The following USP24 variants were observed in gnomAD, a reference collection of about 807,000 sequenced individuals.
USP24 encodes ubiquitin carboxyl-terminal hydrolase 24.
Under a neutral mutation model 361.6 loss-of-function variants are expected in USP24, and 97 were observed. The observed-to-expected ratio is 0.27, with a 90% CI of 0.23 to 0.32. USP24 has a LOEUF of 0.32. Among genes scored for constraint, USP24 ranks in the 10% least tolerant of loss-of-function variants. The pLI is 1.00. For missense variants in USP24, 2,353 were observed against 3,165.6 expected, an observed-to-expected ratio of 0.74 and a Z score of 6.16; for synonymous variants, 1,098 against 1,124.6, an observed-to-expected ratio of 0.98 and a Z score of 0.47.
chr1:55,123,437 TC>T lies in USP24; in HGVS notation c.4276+9del. On this transcript the variant is annotated intron_variant, in intron 36 of 67. Coordinates refer to ENST00000294383, the MANE Select transcript of USP24 (RefSeq NM_015306.3). ...GAAAGAGATTAATCACAAACAAGCCTCCAGCATACCCAGTTGCTGGCTCCGA... is the reference window on the plus strand; with the variant it reads ...GAAAGAGATTAATCACAAACAAGCCTCAGCATACCCAGTTGCTGGCTCCGA... 1 of 1,571,564 alleles carries T rather than the reference TC, an allele frequency of 6.4e-7. No homozygotes were observed. The highest frequency in any genetic ancestry group is 1.2e-5 in the South Asian group (1 of 82,718).
At position 55,095,319 on chromosome 1, in the gene USP24, A is replaced by G; in HGVS notation, c.6139T>C (p.Ser2047Pro). ...CGACTTTTCTTTGGTAATACTGGGGAGTTCTGATCAGACACCCTTTGGTAG... is the reference window on the plus strand; with the variant it reads ...CGACTTTTCTTTGGTAATACTGGGGGGTTCTGATCAGACACCCTTTGGTAG... The part of the protein sequence containing the change: ...LFYQRVSDQN[S>P]PVLPKKSRVS... Residue 2047 changes from serine to proline, a missense_variant, in exon 51 of 68, where the codon TCC (serine) becomes CCC (proline). Ser to Pro is a moderately conservative substitution (Grantham distance 74, BLOSUM62 -1). Coordinates refer to ENST00000294383, the MANE Select transcript of USP24 (RefSeq NM_015306.3). The G allele has an allele frequency of 6.2e-7, 1 of 1,613,664 alleles. No homozygotes were observed. The highest frequency in any genetic ancestry group is 8.5e-7 in the Non-Finnish European group (1 of 1,179,786).
chr1:55,166,512 G>T, intron 6 of USP24, 56 bp downstream of exon 6: 2 of 1,476,774 alleles, frequency 1.4e-6, no homozygotes, highest in African/African-American at 1.4e-5. Flanking sequence ...ACTCTAGGAC[G>T]TCTCATTAGA....
chr1:55,082,273 T>TGTAA (rs2100431948), intron 58 of USP24, among the ~76,000 whole-genome samples: 1 of 152,324 alleles, frequency 6.6e-6, no homozygotes, highest in Non-Finnish European at 1.5e-5. Context: ...ATCTCTGAGC[T>TGTAA]TTACTCCTTG....
chr1:55,110,027 A>C (rs1418020029), intron 39 of USP24, among the ~76,000 whole-genome samples, 158 bp downstream of exon 39: 1 of 152,224 alleles, frequency 6.6e-6, no homozygotes, highest in East Asian at 1.9e-4. Flanking sequence ...ACTGGTACAC[A>C]GGTTTATATG....
intron 42 of USP24, among the ~76,000 whole-genome samples, chr1:55,102,129 T>C (rs1457768326): frequency 1.3e-5 from 2 of 152,090 alleles, no homozygotes; most frequent in Admixed American, 1.3e-4. Context: ...TATATATTCA[T>C]GAATTAAGGT....
chr1:55,212,236 G>A (rs904960069), intron 1 of USP24, among the ~76,000 whole-genome samples: 2 of 152,146 alleles, frequency 1.3e-5, no homozygotes, highest in Non-Finnish European at 2.9e-5. Flanking sequence ...CCCATTATTC[G>A]ATTCTTAATG....
intron 25 of USP24, 91 bp from the exon 26 acceptor site, chr1:55,138,809 G>A (rs1185473202): frequency 7.7e-7 from 1 of 1,300,024 alleles, no homozygotes; most frequent in African/African-American, 1.5e-5. Context: ...GAATGAAGAT[G>A]CTTTTTTAAG....
chr1:55,108,608 C>T, intron 39 of USP24, among the ~76,000 whole-genome samples: 1 of 152,244 alleles, frequency 6.6e-6, no homozygotes, highest in East Asian at 1.9e-4. Context: ...TGTTTCAAGA[C>T]ATGTTATTAC....
Position 55,089,464 on chromosome 1 carries a change from G to A in USP24, c.6668+163C>T, listed in dbSNP as rs577466871. On this transcript the variant is annotated intron_variant, in intron 55 of 67. Coordinates refer to ENST00000294383, the MANE Select transcript of USP24 (RefSeq NM_015306.3). ...AATACTTGCCTGAGATGATTTTGGA[G>A]TGACCTGAATTATTTCCTCACTGTT... Among the ~76,000 whole-genome samples, 5 of 152,296 alleles carry A rather than the reference G, an allele frequency of 3.3e-5. No homozygotes were observed. In the South Asian group the frequency reaches 1.0e-3, roughly 32 times the overall value.
intron 38 of USP24, among the ~76,000 whole-genome samples, chr1:55,110,574 A>G (rs1484542893): frequency 6.6e-6 from 1 of 152,170 alleles, no homozygotes; most frequent in Non-Finnish European, 1.5e-5. Context: ...AGCACCTACA[A>G]ATGCCTGGAA....
chr1:55,154,547 C>T, intron 13 of USP24, 81 bp from the exon 14 acceptor site: 1 of 1,492,958 alleles, frequency 6.7e-7, no homozygotes, highest in Non-Finnish European at 9.1e-7. Flanking sequence ...GAGCTAAAAA[C>T]ATTAACAACG....
intron 63 of USP24, among the ~76,000 whole-genome samples, chr1:55,075,248 AC>A: frequency 6.6e-6 from 1 of 152,102 alleles, no homozygotes; most frequent in East Asian, 1.9e-4. Flanking sequence ...CACCTTCCTG[AC>A]TAAAAGAGGA....
At chr1:55,078,792 G>T in intron 60 of USP24, 141 bp from the exon 61 acceptor site, 1 of 592,972 alleles carries the variant, frequency 1.7e-6, no homozygotes, top group Non-Finnish European at 2.8e-6. Context: ...ACTGTTAGAA[G>T]TCTATAGATA....
Position 55,090,331 on chromosome 1 carries a change from G to C in USP24, c.6555-591C>G, listed in dbSNP as rs114257040. On this transcript the variant is annotated intron_variant, in intron 54 of 67. Transcript: ENST00000294383. The stretch of plus-strand genomic sequence containing the variant: ...ATGGAAATAGTGGGCCATGTGTAAA[G>C]AGCATGAGCAAATTTCACAAACAAA... 3.7e-4 allele frequency among the ~76,000 whole-genome samples: 57 copies of C among 152,292 alleles called. 1 individual carries two copies. Among genetic ancestry groups the C allele is most frequent in the African/African-American group, 1.3e-3 (55 of 41,552 alleles).
At chr1:55,117,742 CAAAAA>C (rs58149121) in intron 38 of USP24, among the ~76,000 whole-genome samples, 1 of 66,846 alleles carries the variant, frequency 1.5e-5, no homozygotes, top group African/African-American at 7.7e-5. Context: ...GACTCCGTCT[CAAAAA>C]AAAAAAAAAA....
In USP24 at chr1:55,126,450, C is replaced by G. The variant is rs770461209; in HGVS notation, c.3636-692G>C. ...AGCTCTCCTCACCATCTGACACATA[C>G]TTTTACTTATGTTAATTGTCTCCCC... On this transcript the variant is annotated intron_variant, in intron 32 of 67. Coordinates refer to ENST00000294383, the MANE Select transcript of USP24 (RefSeq NM_015306.3). 1.1e-4 allele frequency among the ~76,000 whole-genome samples: 17 copies of G among 152,322 alleles called. 1 individual carries two copies. Among genetic ancestry groups the G allele is most frequent in the Non-Finnish European group, 1.8e-4 (12 of 68,030 alleles).
Position 55,097,744 on chromosome 1 carries a change from C to A in USP24, c.5596-27G>T, listed in dbSNP as rs755699903. On this transcript the variant is annotated intron_variant, in intron 47 of 67. Transcript: ENST00000294383. ...TAAAGAAAAAAAAAAGGAAAAAGAG[C>A]AAATCTGAATGATCTCCATGGAGAA... is the stretch of plus-strand genomic sequence containing the variant. The A allele has an allele frequency of 2.6e-6, 4 of 1,522,768 alleles. No homozygotes were observed. In the Admixed American group the frequency reaches 7.5e-5, roughly 28 times the overall value. 94.3% of individuals were successfully genotyped at this position (1,522,768 alleles called of 1,614,324 possible). A position where few individuals can be genotyped will look rare whatever the true frequency, so the allele number is the denominator to read the frequency against.
Position 55,144,065 on chromosome 1 carries a change from TG to T in USP24, c.2439+61del. 3 of 1,336,236 alleles carry T rather than the reference TG, an allele frequency of 2.2e-6. No individual in the cohort carries two copies. In the South Asian group the frequency reaches 4.6e-5, roughly 21 times the overall value. The allele number at this position is 1,336,236 out of a possible 1,614,324, so 82.8% of individuals were successfully genotyped here. A position where few individuals can be genotyped will look rare whatever the true frequency, so the allele number is the denominator to read the frequency against. On this transcript the variant is annotated intron_variant, in intron 21 of 67. Coordinates refer to ENST00000294383, the MANE Select transcript of USP24 (RefSeq NM_015306.3). ...CTCTCAATTATAACACTTTTTTTTT[TG>T]CTGAATATCAAGTTATACTAGATTA...
chr1:55,078,619 C>G lies in USP24; in HGVS notation c.7233G>C (p.Ser2411=), dbSNP rs770624443. Residue 2411 remains serine (S), a synonymous_variant, in exon 61 of 68, where the codon TCG becomes TCC. Transcript: ENST00000294383. ...CTACCATCTCAATGAGTGCCAAGAG[C>G]GAGCCTGTCAGCTCCCGCAAAGCAA... ...VMFALRELTG[S]LLALIEMVVY... is the part of the protein sequence containing the mutation. 1 of 1,610,442 alleles carries G rather than the reference C, an allele frequency of 6.2e-7. No individual in the cohort carries two copies. The highest frequency in any genetic ancestry group is 8.5e-7 in the Non-Finnish European group (1 of 1,178,998).
Sources: gnomAD v4.1 joint callset for allele counts (sites outside exome capture counted in the v4.1 genomes callset) on GRCh38, gnomAD v4.1.1 for gene constraint, MANE v1.5 for transcripts, NCBI Gene and HGNC (gene_info 2026-07-23, HGNC 2026-07-21) for gene names.